Variants in CP observed in about 807,000 individuals in gnomAD.
The protein encoded by CP is caeruloplasmin.
Under a neutral mutation model 122.4 loss-of-function variants are expected in CP, and 64 were observed. The ratio of observed to expected loss-of-function variants is 0.52; its 90% CI spans 0.43 to 0.64. The LOEUF is 0.64. CP is among the 30% of genes least tolerant of loss of function. The pLI is 0.00. For missense variants in CP, 1,167 were observed against 1,284.4 expected (o/e 0.91, Z 1.40); for synonymous variants, 440 against 436.4 (o/e 1.01, Z -0.10).
chr3:149,192,304 AT>A (rs2108255443), intron 9 of CP, among the ~76,000 whole-genome samples: 1 of 152,164 alleles, frequency 6.6e-6, no homozygotes, highest in South Asian at 2.1e-4. Context: ...TAAAGAATAG[AT>A]TTGTTAATAT....
intron 9 of CP, among the ~76,000 whole-genome samples, chr3:149,191,657 G>A (rs1241182869): frequency 1.3e-5 from 2 of 151,748 alleles, no homozygotes; most frequent in African/African-American, 2.4e-5. Context: ...ATTTGCTGGC[G>A]ATGAGAATTA....
chr3:149,176,040 A>G (rs1163410462), intron 18 of CP: 7 of 579,592 alleles, frequency 1.2e-5, no homozygotes, highest in African/African-American at 3.7e-5. Flanking sequence ...TGGTGCTGTT[A>G]CAAGTACTGG....
intron 1 of CP, chr3:149,217,915 CTGT>C: frequency 2.3e-6 from 1 of 444,316 alleles, no homozygotes; most frequent in South Asian, 1.7e-5. Context: ...AGGATTTGAG[CTGT>C]TATTTCTTCT....
At chr3:149,183,194 A>T (rs1408336339) in intron 13 of CP, among the ~76,000 whole-genome samples, 3 of 152,186 alleles carry the variant, frequency 2.0e-5, no homozygotes, top group Non-Finnish European at 4.4e-5. Context: ...AACTTCACTA[A>T]AACTACAGGC....
downstream of CP, among the ~76,000 whole-genome samples, chr3:149,167,504 G>A (rs935451456): frequency 7.2e-5 from 11 of 152,306 alleles, no homozygotes; most frequent in Non-Finnish European, 1.3e-4. Context: ...TTTGGGAACA[G>A]TGTATGATGG....
chr3:149,187,598 G>T (rs975240057), intron 10 of CP, among the ~76,000 whole-genome samples: 2 of 152,184 alleles, frequency 1.3e-5, no homozygotes, highest in Non-Finnish European at 2.9e-5. Context: ...ATATCTTTCT[G>T]CATATTGAAT....
At chr3:149,162,933 A>C (rs1161730171) in intron 5 of CP, 12 of 1,356,266 alleles carry the variant, frequency 8.8e-6, no homozygotes, top group Admixed American at 3.4e-5. Flanking sequence ...CATTACAAAA[A>C]CATACCTTAT....
At chr3:149,213,947 C>T (rs1728283909) in intron 1 of CP, among the ~76,000 whole-genome samples, 1 of 152,182 alleles carries the variant, frequency 6.6e-6, no homozygotes, top group African/African-American at 2.4e-5. Context: ...CAGGAATCTA[C>T]TGATGAACTT....
At chr3:149,181,082 C>T (rs999006986) in intron 14 of CP, among the ~76,000 whole-genome samples, 4 of 152,146 alleles carry the variant, frequency 2.6e-5, no homozygotes, top group African/African-American at 4.8e-5. Context: ...CTGTCCTTGC[C>T]CCCTTAGGGT....
chr3:149,203,287 A>T (rs1333759051), intron 6 of CP, among the ~76,000 whole-genome samples: 1 of 146,204 alleles, frequency 6.8e-6, no homozygotes, highest in African/African-American at 2.5e-5. Flanking sequence ...TTTTTGGAGC[A>T]GAGTCTCGCT....
At chr3:149,196,362 GAA>G (rs971564171) in intron 9 of CP, among the ~76,000 whole-genome samples, 2 of 152,096 alleles carry the variant, frequency 1.3e-5, no homozygotes, top group African/African-American at 4.8e-5. Flanking sequence ...GAATTTATCT[GAA>G]AAGTTTTTTC....
At chr3:149,171,007 C>T (rs746045493), downstream of CP, among the ~76,000 whole-genome samples, 24 of 152,176 alleles carry the variant, frequency 1.6e-4, no homozygotes, top group South Asian at 8.3e-4. Flanking sequence ...GGGCCAGGTG[C>T]GGTGGCTCAC....
intron 18 of CP, among the ~76,000 whole-genome samples, chr3:149,175,132 T>G (rs1446037080): frequency 1.3e-5 from 2 of 152,162 alleles, no homozygotes; most frequent in Admixed American, 6.6e-5. Context: ...ATTATTTTTT[T>G]GAGCAAGACC....
rs191710611 is a variant in CP, at chr3:149,164,247, G to C, written c.*14-1372C>G. Among the ~76,000 whole-genome samples, 442 of 152,298 alleles carry C rather than the reference G, an allele frequency of 2.9e-3. 9 individuals are homozygous for C. The highest frequency in any genetic ancestry group is 3.1e-4 in the Non-Finnish European group (21 of 68,026). On this transcript the variant is annotated intron_variant, in intron 5 of 5. Transcript: ENST00000479771. ...TGGGCTTGAAAACACTTTGTGAAATGAAAGTGTGGCAAATGTTTAGTGGTG... is the reference window on the plus strand; with the variant it reads ...TGGGCTTGAAAACACTTTGTGAAATCAAAGTGTGGCAAATGTTTAGTGGTG...
At chr3:149,212,774 A>C in intron 1 of CP, 76 bp from the exon 2 acceptor site, 1 of 1,501,486 alleles carries the variant, frequency 6.7e-7, no homozygotes, top group South Asian at 1.2e-5. Context: ...ATTTAATAAC[A>C]TTATAATTAG....
intron 1 of CP, among the ~76,000 whole-genome samples, chr3:149,214,919 C>T (rs1261593152): frequency 1.3e-5 from 2 of 152,208 alleles, no homozygotes; most frequent in Non-Finnish European, 2.9e-5. Context: ...TACACAACTG[C>T]AGCTGCAAAG....
intron 7 of CP, among the ~76,000 whole-genome samples, chr3:149,201,216 C>A (rs987705160): frequency 6.6e-6 from 1 of 152,056 alleles, no homozygotes; most frequent in Non-Finnish European, 1.5e-5. Flanking sequence ...CTCCGCCTCC[C>A]GAGTTCACGC....
chr3:149,214,682 A>G (rs1432262901), intron 1 of CP, among the ~76,000 whole-genome samples: 1 of 152,190 alleles, frequency 6.6e-6, no homozygotes, highest in Non-Finnish European at 1.5e-5. Context: ...AAATAGGAAA[A>G]GATTGGGAGA....
rs1403938776 is a variant in CP at position 149,210,002 on chromosome 3, C to T, written c.607+165G>A. 2.0e-5 allele frequency among the ~76,000 whole-genome samples: 3 copies of T among 152,162 alleles called. No homozygotes were observed. The South Asian group carries it at 6.2e-4, about 31-fold the overall frequency. ...GGAATGCTTGTTCTATTTATCCCTT[C>T]TTCTCCTAGTCCTGCCTGGCTCTTC... On this transcript the variant is annotated intron_variant, in intron 3 of 18. Transcript: ENST00000264613.
Sources: gnomAD v4.1 joint callset for allele counts (sites outside exome capture counted in the v4.1 genomes callset) on GRCh38, gnomAD v4.1.1 for gene constraint, MANE v1.5 for transcripts, NCBI Gene and HGNC (gene_info 2026-07-23, HGNC 2026-07-21) for gene names.